The following ANKRD46 variants were observed in gnomAD, a reference collection of about 807,000 sequenced individuals.
ANKRD46 encodes ankyrin repeat domain-containing protein 46.
In ANKRD46, 13 loss-of-function variants were observed where a neutral mutation model predicts 19.8. That is an observed-to-expected ratio of 0.66 (90% confidence interval 0.43 to 1.04). The LOEUF (loss-of-function observed/expected upper bound fraction) is 1.04. ANKRD46 is among the 50% of genes least tolerant of loss of function. The pLI is 0.00. For synonymous variants in ANKRD46, 91 were observed against 106.9 expected, an observed-to-expected ratio of 0.85 and a Z score of 0.92; for missense variants, 185 against 274.8, an observed-to-expected ratio of 0.67 and a Z score of 2.31.
chr8:100,512,248 T>C (rs894474493), intron 5 of ANKRD46, among the ~76,000 whole-genome samples: 3 of 152,168 alleles, frequency 2.0e-5, no homozygotes, highest in Non-Finnish European at 4.4e-5. Flanking sequence ...TTTATAGCAT[T>C]CTCTGAGCCA....
chr8:100,543,700 G>C lies in ANKRD46; in HGVS notation c.-130-10389C>G, dbSNP rs539355919. ...GGGGAAATGAACTATAATATGAAAT[G>C]TTATATCTTAAACTGTAGAGAAGTA... On this transcript the variant is annotated intron_variant, in intron 1 of 4. Coordinates refer to ENST00000335659, the MANE Select transcript of ANKRD46 (RefSeq NM_001270377.2). This position sits in a 1 kb window ranked among gnomAD's most constrained non-coding sequence, Gnocchi z 4.2. Among the ~76,000 whole-genome samples the C allele has an allele frequency of 2.0e-5, 3 of 152,212 alleles. No homozygotes were observed. In the East Asian group the frequency reaches 5.8e-4, roughly 29 times the overall value.
At chr8:100,516,119 G>A (rs1021123833), downstream of ANKRD46, among the ~76,000 whole-genome samples, 2 of 152,082 alleles carry the variant, frequency 1.3e-5, no homozygotes, top group African/African-American at 4.8e-5. Context: ...TGATCCACCC[G>A]CCTCGGCCTC....
At position 100,536,891 on chromosome 8, in the gene ANKRD46, T is replaced by C. The variant is rs1812074472; in HGVS notation, c.-130-3580A>G. 6.6e-6 allele frequency among the ~76,000 whole-genome samples: 1 copy of C among 152,220 alleles called. No homozygotes were observed. The highest frequency in any genetic ancestry group is 6.5e-5 in the Admixed American group (1 of 15,276). ...ACTTAAAACTCCTCACTCTGTGCTC[T>C]GTGGCACTGCCTGAGAGACTTGAAG... On this transcript the variant is annotated intron_variant, in intron 1 of 4. Transcript: ENST00000335659. The surrounding 1 kb of genome is among the most constrained non-coding windows in gnomAD (Gnocchi z 4.9).
At position 100,550,904 on chromosome 8, in the gene ANKRD46, G is replaced by C; in HGVS notation, c.-131+8807C>G. The C allele has an allele frequency of 1.7e-6, 1 of 581,668 alleles. No homozygotes were observed. Among genetic ancestry groups the C allele is most frequent in the South Asian group, 1.5e-5 (1 of 66,296 alleles). The allele number at this position is 581,668 out of a possible 1,614,324, so 36.0% of individuals were successfully genotyped here. A position where few individuals can be genotyped will look rare whatever the true frequency, so the allele number is the denominator to read the frequency against. On this transcript the variant is annotated intron_variant, in intron 1 of 4. Transcript: ENST00000335659. The surrounding 1 kb of genome is among the most constrained non-coding windows in gnomAD (Gnocchi z 4.4). The stretch of plus-strand genomic sequence containing the variant: ...CAACCTGGTGTTCAGTGTAGCCCAA[G>C]ATGCCCTTGAGGGGCCCTCTGACGC...
At position 100,549,560 on chromosome 8, in the gene ANKRD46, T is replaced by C. The variant is rs2130700982; in HGVS notation, c.-131+10151A>G. 1.3e-5 allele frequency among the ~76,000 whole-genome samples: 2 copies of C among 152,348 alleles called. 1 individual carries two copies. The highest frequency in any genetic ancestry group is 4.1e-4 in the South Asian group (2 of 4,826). On this transcript the variant is annotated intron_variant, in intron 1 of 4. Coordinates refer to ENST00000335659, the MANE Select transcript of ANKRD46 (RefSeq NM_001270377.2). ...TGTGAGCATATTTTTTATTACTTTA[T>C]CTTTTTTAAAACGGTCTTTATTTTT...
At chr8:100,516,309 A>G (rs1219207735), downstream of ANKRD46, among the ~76,000 whole-genome samples, 2 of 152,224 alleles carry the variant, frequency 1.3e-5, no homozygotes, top group Non-Finnish European at 2.9e-5. Context: ...TTTGGAACAC[A>G]GAAAGACACA....
chr8:100,548,892 G>A (rs539754565), intron 1 of ANKRD46, among the ~76,000 whole-genome samples: 18 of 151,952 alleles, frequency 1.2e-4, no homozygotes, highest in Non-Finnish European at 1.9e-4. Context: ...TGAGAAATAG[G>A]AATATTTAGA....
rs1812096888 is a variant in ANKRD46, at chr8:100,537,948, T to C, written c.-130-4637A>G. ...CTGCAGCTGCTGTAAGTTGTCAAGA[T>C]AACCAGGAGAAAACAGTTCATGTAA... On this transcript the variant is annotated intron_variant, in intron 1 of 4. Transcript: ENST00000335659. This position sits in a 1 kb window ranked among gnomAD's most constrained non-coding sequence, Gnocchi z 4.2. Among the ~76,000 whole-genome samples the C allele has an allele frequency of 6.6e-6, 1 of 152,202 alleles. No individual in the cohort carries two copies. Among genetic ancestry groups the C allele is most frequent in the African/African-American group, 2.4e-5 (1 of 41,444 alleles).
rs956339600 is a variant in ANKRD46 at position 100,534,272 on chromosome 8, T to C, written c.-130-961A>G. ...ACAATATGTAAGTCAGGTTGTATCATAAAGGCTATCAGTGCTAGGCTGGAA... is the reference window on the plus strand; with the variant it reads ...ACAATATGTAAGTCAGGTTGTATCACAAAGGCTATCAGTGCTAGGCTGGAA... On this transcript the variant is annotated intron_variant, in intron 1 of 4. Transcript: ENST00000335659. This position sits in a 1 kb window ranked among gnomAD's most constrained non-coding sequence, Gnocchi z 4.2. Among the ~76,000 whole-genome samples, 2 of 152,236 alleles carry C rather than the reference T, an allele frequency of 1.3e-5. No homozygotes were observed. The highest frequency in any genetic ancestry group is 6.5e-5 in the Admixed American group (1 of 15,294).
intron 1 of ANKRD46, among the ~76,000 whole-genome samples, chr8:100,553,347 G>C (rs1196722292): frequency 6.6e-6 from 1 of 152,160 alleles, no homozygotes; most frequent in African/African-American, 2.4e-5. Flanking sequence ...AGCAATGCTG[G>C]GCTACTGGAA....
intron 4 of ANKRD46, among the ~76,000 whole-genome samples, chr8:100,523,508 G>C (rs1419126689): frequency 6.6e-6 from 1 of 152,092 alleles, no homozygotes; most frequent in Non-Finnish European, 1.5e-5. Flanking sequence ...TGTGAATCTT[G>C]AAGTTAAAAG....
intron 4 of ANKRD46, among the ~76,000 whole-genome samples, chr8:100,523,099 G>GGGA (rs1811766959): frequency 1.3e-5 from 2 of 152,110 alleles, no homozygotes; most frequent in Non-Finnish European, 2.9e-5. Flanking sequence ...AGGCCAAGGA[G>GGGA]GGAGGATCAC....
chr8:100,517,269 T>A (rs1307941431), downstream of ANKRD46, among the ~76,000 whole-genome samples: 3 of 152,218 alleles, frequency 2.0e-5, no homozygotes, highest in Non-Finnish European at 4.4e-5. Context: ...AATGGAATCT[T>A]CTTTACCTTT....
At position 100,544,097 on chromosome 8, in the gene ANKRD46, C is replaced by T. The variant is rs1390027511; in HGVS notation, c.-130-10786G>A. 3.3e-5 allele frequency among the ~76,000 whole-genome samples: 5 copies of T among 152,298 alleles called. No homozygotes were observed. The East Asian group carries it at 5.8e-4, about 18-fold the overall frequency. ...TGACCTACAACTACCTTTTATATTG[C>T]CTTACACTTTAGGAAATATTTCTCA... is the stretch of plus-strand genomic sequence containing the variant. On this transcript the variant is annotated intron_variant, in intron 1 of 4. Transcript: ENST00000335659. This position sits in a 1 kb window ranked among gnomAD's most constrained non-coding sequence, Gnocchi z 4.4.
chr8:100,551,697 G>T, intron 1 of ANKRD46: 1 of 622,356 alleles, frequency 1.6e-6, no homozygotes, highest in South Asian at 1.4e-5. Context: ...ATTTACTCTG[G>T]CCTTCACCTT....
intron 1 of ANKRD46, among the ~76,000 whole-genome samples, chr8:100,540,433 A>G (rs1812154408): frequency 6.6e-6 from 1 of 152,198 alleles, no homozygotes; most frequent in African/African-American, 2.4e-5. Context: ...AACTGTTTTT[A>G]ATCATCTCAT....
At chr8:100,554,194 GT>G (rs1812449087) in intron 1 of ANKRD46, among the ~76,000 whole-genome samples, 1 of 152,146 alleles carries the variant, frequency 6.6e-6, no homozygotes, top group Admixed American at 6.5e-5. Context: ...TCTTGGAATT[GT>G]TTCTCTAATA....
rs1344346847 is a variant in ANKRD46, at chr8:100,529,689, G to A, written c.145C>T (p.Leu49Phe). 6.2e-7 allele frequency: 1 copy of A among 1,614,136 alleles called. No homozygotes were observed. The highest frequency in any genetic ancestry group is 2.2e-5 in the East Asian group (1 of 44,900). The change falls in exon 3 of 5, where the codon CTT (leucine) becomes TTT (phenylalanine). Residue 49 changes from leucine to phenylalanine, a missense_variant. Leu to Phe is a conservative substitution (Grantham distance 22, BLOSUM62 0). Transcript: ENST00000335659. The surrounding 1 kb of genome is among the most constrained non-coding windows in gnomAD (Gnocchi z 5.8). ...NIRDSRGRTGLHLAAARGNVD... is the reference protein window; with the variant it reads ...NIRDSRGRTGFHLAAARGNVD... Reference sequence around the variant, plus strand: ...TTCCCTCGAGCTGCTGCAAGGTGAAGGCCTGTTCTGCCCCTGCTGTCACGA... The same window carrying A: ...TTCCCTCGAGCTGCTGCAAGGTGAAAGCCTGTTCTGCCCCTGCTGTCACGA...
Position 100,529,850 on chromosome 8 carries a change from A to G in ANKRD46, c.-17T>C, listed in dbSNP as rs1811921950. ...ATACGACATTGTTCTGATGTGGTGG[A>G]TGGAACACGCCTGTAATGAAATAGG... On this transcript the variant is annotated 5_prime_UTR_variant, in exon 3 of 5. Coordinates refer to ENST00000335659, the MANE Select transcript of ANKRD46 (RefSeq NM_001270377.2). This position sits in a 1 kb window ranked among gnomAD's most constrained non-coding sequence, Gnocchi z 5.8. The G allele has an allele frequency of 6.2e-7, 1 of 1,609,818 alleles. No homozygotes were observed. The highest frequency in any genetic ancestry group is 8.5e-7 in the Non-Finnish European group (1 of 1,176,724).
Sources: allele counts gnomAD v4.1 joint callset (sites outside exome capture counted in the v4.1 genomes callset), GRCh38; gene constraint gnomAD v4.1.1; non-coding constraint Gnocchi (gnomAD v3.1); transcripts MANE v1.5; gene names NCBI Gene and HGNC (gene_info 2026-07-23, HGNC 2026-07-21).